Variants in TLK2 observed in about 807,000 individuals in gnomAD.
TLK2 encodes the protein tousled like kinase 2, also known as serine/threonine-protein kinase tousled-like 2.
A neutral mutation model predicts 117.3 loss-of-function variants in TLK2; 6 were observed. That is an observed-to-expected ratio of 0.05 (90% CI 0.03 to 0.10). The LOEUF (loss-of-function observed/expected upper bound fraction) is 0.10, where lower values mean the gene tolerates loss of function less well. Among genes scored for constraint, TLK2 ranks in the 10% least tolerant of loss-of-function variants. The pLI is 1.00. For synonymous variants in TLK2, 257 were observed against 316.7 expected (o/e 0.81, Z 2.00); for missense variants, 299 against 901.2 (o/e 0.33, Z 8.56).
At chr17:62,582,786 TC>T (rs1211581021) in intron 15 of TLK2, among the ~76,000 whole-genome samples, 2 of 152,192 alleles carry the variant, frequency 1.3e-5, no homozygotes, top group African/African-American at 4.8e-5. Context: ...TAACCAACTT[TC>T]CTTTCCCCCT....
At chr17:62,562,050 C>T (rs965735747) in intron 10 of TLK2, among the ~76,000 whole-genome samples, 10 of 152,058 alleles carry the variant, frequency 6.6e-5, no homozygotes, top group Admixed American at 6.5e-5. Flanking sequence ...TCTGCTACAC[C>T]GTGATGCAAT....
upstream of TLK2, among the ~76,000 whole-genome samples, chr17:62,478,629 C>CCT (rs909469361): frequency 2.0e-5 from 3 of 150,932 alleles, no homozygotes; most frequent in African/African-American, 7.3e-5. Flanking sequence ...CTGGTTAACC[C>CCT]CTGCCCGGCA....
chr17:62,591,485 T>C (rs1468924413), intron 16 of TLK2, among the ~76,000 whole-genome samples: 1 of 151,822 alleles, frequency 6.6e-6, no homozygotes, highest in Non-Finnish European at 1.5e-5. Context: ...AAACCGAAGC[T>C]CAGAGAGGTG....
At chr17:62,481,645 C>T (rs1176292363) in intron 2 of TLK2, among the ~76,000 whole-genome samples, 2 of 152,088 alleles carry the variant, frequency 1.3e-5, no homozygotes, top group Non-Finnish European at 2.9e-5. Context: ...ACTGGTTGCA[C>T]CCCCAGACTG....
At chr17:62,565,545 T>C (rs2079698099) in intron 11 of TLK2, among the ~76,000 whole-genome samples, 1 of 147,102 alleles carries the variant, frequency 6.8e-6, no homozygotes, top group Admixed American at 7.0e-5. Context: ...CCCAGCTACT[T>C]GGGAGGCTGA....
intron 15 of TLK2, among the ~76,000 whole-genome samples, chr17:62,583,578 A>C (rs895898050): frequency 1.3e-5 from 2 of 151,424 alleles, no homozygotes; most frequent in African/African-American, 4.9e-5. Flanking sequence ...CAAACATTTT[A>C]TTTCTTTTTC....
intron 17 of TLK2, among the ~76,000 whole-genome samples, chr17:62,599,519 G>A (rs753553420): frequency 2.0e-5 from 3 of 152,174 alleles, no homozygotes; most frequent in Non-Finnish European, 4.4e-5. Flanking sequence ...CCAATGGGAA[G>A]GCAGAAATGG....
At chr17:62,577,719 C>T (rs1042946943) in intron 13 of TLK2, among the ~76,000 whole-genome samples, 3 of 152,124 alleles carry the variant, frequency 2.0e-5, no homozygotes, top group African/African-American at 4.8e-5. Context: ...AGTTTTCATG[C>T]TGTTTTCCCA....
chr17:62,532,782 T>C (rs1191109720), intron 6 of TLK2, among the ~76,000 whole-genome samples: 2 of 152,224 alleles, frequency 1.3e-5, no homozygotes, highest in Non-Finnish European at 2.9e-5. Context: ...TAAATAGTGC[T>C]GCAATGAACA....
chr17:62,474,553 G>A (rs963466859), upstream of TLK2, among the ~76,000 whole-genome samples: 1 of 151,130 alleles, frequency 6.6e-6, no homozygotes. Flanking sequence ...GGGACTACAG[G>A]TGCCAGCCAC....
At chr17:62,582,036 C>T (rs2081259430) in intron 15 of TLK2, among the ~76,000 whole-genome samples, 1 of 152,064 alleles carries the variant, frequency 6.6e-6, no homozygotes, top group African/African-American at 2.4e-5. Context: ...CACTTGAGCA[C>T]AGGAGTTTGA....
rs2072454632 is a variant in TLK2 at position 62,486,861 on chromosome 17, CTCTT to C, written c.81+5657_81+5660del. Among the ~76,000 whole-genome samples the C allele has an allele frequency of 3.3e-5, 5 of 152,228 alleles. No individual in the cohort carries two copies. The South Asian group carries it at 1.0e-3, about 32-fold the overall frequency. On this transcript the variant is annotated intron_variant, in intron 2 of 21. Transcript: ENST00000346027. ...TGGATTAATAGGCATTCTCCATTCT[CTCTT>C]TATAAGCCATACTGACTGATGCTTA... is the stretch of plus-strand genomic sequence containing the variant.
chr17:62,585,876 G>T, intron 15 of TLK2: 1 of 300,516 alleles, frequency 3.3e-6, no homozygotes, highest in Non-Finnish European at 6.2e-6. Context: ...AAATGATTCT[G>T]AAGGCAGGGG....
intron 7 of TLK2, among the ~76,000 whole-genome samples, chr17:62,537,052 C>T (rs1348324881): frequency 5.3e-5 from 8 of 152,188 alleles, no homozygotes; most frequent in Non-Finnish European, 8.8e-5. Flanking sequence ...CAGAAAGCCC[C>T]GTCGCCGTAT....
At chr17:62,491,638 G>A (rs978605480) in intron 2 of TLK2, among the ~76,000 whole-genome samples, 2 of 152,102 alleles carry the variant, frequency 1.3e-5, no homozygotes, top group African/African-American at 2.4e-5. Flanking sequence ...CAGGCTCCTC[G>A]AGTGCAGTAG....
chr17:62,576,983 G>GTTTT (rs1307794316), intron 13 of TLK2, among the ~76,000 whole-genome samples: 1 of 38,350 alleles, frequency 2.6e-5, no homozygotes, highest in Non-Finnish European at 7.4e-5. Context: ...TTTTTTTTGA[G>GTTTT]TTGGAGTCTC....
chr17:62,524,179 T>C, intron 5 of TLK2, 57 bp from the exon 6 acceptor site: 2 of 1,577,662 alleles, frequency 1.3e-6, no homozygotes, highest in Non-Finnish European at 8.6e-7. Context: ...TTACTCTCCT[T>C]ATCTGAAGCA....
chr17:62,538,515 A>G (rs1465564267), intron 7 of TLK2, among the ~76,000 whole-genome samples: 2 of 152,226 alleles, frequency 1.3e-5, no homozygotes, highest in Admixed American at 6.5e-5. Context: ...GCATAGTTAA[A>G]TACACAAGAT....
chr17:62,585,077 C>G (rs954091306), intron 15 of TLK2, among the ~76,000 whole-genome samples: 1 of 152,188 alleles, frequency 6.6e-6, no homozygotes, highest in Non-Finnish European at 1.5e-5. Flanking sequence ...ATGATTTACA[C>G]CCAGCTTCCT....
Sources: gnomAD v4.1 joint callset for allele counts (sites outside exome capture counted in the v4.1 genomes callset) on GRCh38, gnomAD v4.1.1 for gene constraint, MANE v1.5 for transcripts, NCBI Gene and HGNC (gene_info 2026-07-23, HGNC 2026-07-21) for gene names.